ASTN2: variants seen among roughly 807,000 people sequenced by gnomAD.
ASTN2 encodes astrotactin-2.
A neutral mutation model predicts 139.8 loss-of-function variants in ASTN2; 54 were observed. The observed-to-expected ratio is 0.39, with a 90% CI of 0.31 to 0.48. ASTN2 has a LOEUF of 0.48. ASTN2 is among the 20% of genes least tolerant of loss of function. The probability of loss-of-function intolerance (pLI) is 0.95; values close to 1 mark genes in which losing one functional copy is unlikely to be tolerated. For synonymous variants in ASTN2, 756 were observed against 719.5 expected (o/e 1.05, Z -0.81); for missense variants, 1,565 against 1,725.1 (o/e 0.91, Z 1.64).
chr9:117,221,063 C>T (rs1025182132), intron 2 of ASTN2, among the ~76,000 whole-genome samples: 1 of 152,220 alleles, frequency 6.6e-6, no homozygotes, highest in African/African-American at 2.4e-5. Context: ...TTAATAAACA[C>T]ATCCAGAAGC....
At chr9:117,207,781 G>A (rs1831984329) in intron 3 of ASTN2, among the ~76,000 whole-genome samples, 1 of 152,168 alleles carries the variant, frequency 6.6e-6, no homozygotes, top group Admixed American at 6.5e-5. Context: ...CAAGCTGCAT[G>A]AACATCCCCC....
intron 1 of ASTN2, among the ~76,000 whole-genome samples, chr9:117,349,909 G>A (rs1407729239): frequency 1.3e-5 from 2 of 152,096 alleles, no homozygotes; most frequent in African/African-American, 4.8e-5. Context: ...ACATAACAGA[G>A]GAAAGCAAGT....
In ASTN2 at chr9:117,351,493, T is replaced by C. The variant is rs1829384902; in HGVS notation, c.443-59980A>G. On this transcript the variant is annotated intron_variant, in intron 1 of 22. Coordinates refer to ENST00000313400, the MANE Select transcript of ASTN2 (RefSeq NM_001365068.1). ...CTTTACTTGAGTCAAAATCCTACAC[T>C]ACCATTCAATACTTCATGCATATAT... is the stretch of plus-strand genomic sequence containing the variant. Among the ~76,000 whole-genome samples, 3 of 152,178 alleles carry C rather than the reference T, an allele frequency of 2.0e-5. No individual in the cohort carries two copies. In the South Asian group the frequency reaches 6.2e-4, roughly 32 times the overall value.
chr9:117,355,182 A>C (rs60988062), intron 1 of ASTN2, among the ~76,000 whole-genome samples: 2,159 of 152,286 alleles, frequency 0.014, 59 homozygotes, highest in African/African-American at 0.05. Flanking sequence ...TCCCTGACAG[A>C]TAGTGAATAG....
chr9:117,184,994 C>A (rs916349017), intron 3 of ASTN2, among the ~76,000 whole-genome samples: 2 of 152,058 alleles, frequency 1.3e-5, no homozygotes, highest in Non-Finnish European at 2.9e-5. Flanking sequence ...GTAAGGAATC[C>A]GAGACTAAAA....
At position 117,363,296 on chromosome 9, in the gene ASTN2, G is replaced by A. The variant is rs1587982009; in HGVS notation, c.442+51201C>T. On this transcript the variant is annotated intron_variant, in intron 1 of 22. Coordinates refer to ENST00000313400, the MANE Select transcript of ASTN2 (RefSeq NM_001365068.1). ...GTGTCTGAGGGGAGTGTGTAGTGAAGGAAGGCTTTACAGAAAGAGAAATAA... is the reference window on the plus strand; with the variant it reads ...GTGTCTGAGGGGAGTGTGTAGTGAAAGAAGGCTTTACAGAAAGAGAAATAA... Among the ~76,000 whole-genome samples the A allele has an allele frequency of 4.6e-5, 7 of 152,272 alleles. 1 individual carries two copies. The South Asian group carries it at 1.5e-3, about 32-fold the overall frequency.
chr9:116,483,969 A>T (rs1272590502), intron 20 of ASTN2, among the ~76,000 whole-genome samples: 1 of 152,152 alleles, frequency 6.6e-6, no homozygotes, highest in Non-Finnish European at 1.5e-5. Flanking sequence ...ATGGGTGCAG[A>T]ATTTGGTGTC....
intron 5 of ASTN2, among the ~76,000 whole-genome samples, chr9:117,073,336 C>T (rs1828186802): frequency 6.6e-6 from 1 of 152,116 alleles, no homozygotes. Context: ...CTCCACTCCA[C>T]TCCTGGATAT....
chr9:117,298,571 TAGAC>T (rs1434428734), intron 1 of ASTN2, among the ~76,000 whole-genome samples: 1 of 151,770 alleles, frequency 6.6e-6, no homozygotes, highest in Non-Finnish European at 1.5e-5. Flanking sequence ...TCTTGATACT[TAGAC>T]AGCACTCCAC....
At chr9:116,594,954 C>A (rs114213593) in intron 19 of ASTN2, among the ~76,000 whole-genome samples, 6 of 152,304 alleles carry the variant, frequency 3.9e-5, no homozygotes, top group Non-Finnish European at 7.4e-5. Flanking sequence ...TAGGTACATA[C>A]ATACATACAC....
intron 3 of ASTN2, among the ~76,000 whole-genome samples, chr9:117,176,465 C>T (rs1011330435): frequency 6.6e-6 from 1 of 151,934 alleles, no homozygotes; most frequent in African/African-American, 2.4e-5. Flanking sequence ...TTTGTATTCT[C>T]ATTTGGGTGG....
intron 4 of ASTN2, among the ~76,000 whole-genome samples, chr9:117,117,550 A>T (rs1829428957): frequency 6.6e-6 from 1 of 152,096 alleles, no homozygotes; most frequent in Non-Finnish European, 1.5e-5. Flanking sequence ...TGAGCTCCTG[A>T]TATGGTTCCT....
At chr9:117,248,236 G>GTACACACT (rs1346567050) in intron 2 of ASTN2, among the ~76,000 whole-genome samples, 1 of 152,178 alleles carries the variant, frequency 6.6e-6, no homozygotes, top group African/African-American at 2.4e-5. Flanking sequence ...CGAATGGTGA[G>GTACACACT]TACACACTTA....
At chr9:116,950,605 T>C (rs773591799) in intron 10 of ASTN2, among the ~76,000 whole-genome samples, 2 of 152,120 alleles carry the variant, frequency 1.3e-5, no homozygotes, top group Non-Finnish European at 2.9e-5. Flanking sequence ...GAAGTTACAG[T>C]TTGTCATGGG....
chr9:117,076,689 G>C (rs1828289291), intron 5 of ASTN2, among the ~76,000 whole-genome samples: 1 of 152,096 alleles, frequency 6.6e-6, no homozygotes, highest in Non-Finnish European at 1.5e-5. Context: ...AGGGGCAGCG[G>C]GGGTGGAGGG....
intron 5 of ASTN2, among the ~76,000 whole-genome samples, chr9:117,066,817 T>C (rs375704732): frequency 6.7e-6 from 1 of 149,366 alleles, no homozygotes; most frequent in Non-Finnish European, 1.5e-5. Flanking sequence ...TTGAGAAGTG[T>C]CTGTTCATGT....
At chr9:116,537,849 G>A (rs184920547) in intron 19 of ASTN2, among the ~76,000 whole-genome samples, 9 of 152,288 alleles carry the variant, frequency 5.9e-5, no homozygotes, top group Admixed American at 1.3e-4. Flanking sequence ...TCTGAGCCAT[G>A]AAAGCAGGGA....
chr9:116,534,193 G>A (rs1851501178), intron 19 of ASTN2, among the ~76,000 whole-genome samples: 1 of 152,058 alleles, frequency 6.6e-6, no homozygotes, highest in South Asian at 2.1e-4. Context: ...TATTTCTGTG[G>A]GATAGGTGGT....
intron 19 of ASTN2, among the ~76,000 whole-genome samples, chr9:116,550,322 A>G (rs1294725676): frequency 6.6e-6 from 1 of 152,248 alleles, no homozygotes; most frequent in Admixed American, 6.5e-5. Flanking sequence ...TTCATCTGCA[A>G]TATAAACCTG....
Sources: gnomAD v4.1 joint callset for allele counts (sites outside exome capture counted in the v4.1 genomes callset) on GRCh38, gnomAD v4.1.1 for gene constraint, MANE v1.5 for transcripts, NCBI Gene and HGNC (gene_info 2026-07-23, HGNC 2026-07-21) for gene names.